Variants in ZNF804A observed in about 807,000 individuals in gnomAD.
ZNF804A encodes zinc finger protein 804A.
ZNF804A carries 2 observed loss-of-function variants against 16.5 expected under a neutral mutation model. That is an observed-to-expected ratio of 0.12 (90% CI 0.05 to 0.38). The LOEUF is 0.38. Among genes scored for constraint, ZNF804A ranks in the 10% least tolerant of loss-of-function variants. ZNF804A has a pLI of 0.99. For missense variants in ZNF804A, 1,473 were observed against 1,390.7 expected (o/e 1.06, Z -0.94); for synonymous variants, 534 against 489.6 (o/e 1.09, Z -1.20).
intron 2 of ZNF804A, among the ~76,000 whole-genome samples, chr2:184,906,367 C>T (rs759227380): frequency 8.5e-5 from 13 of 152,108 alleles, no homozygotes; most frequent in Non-Finnish European, 1.5e-4. Flanking sequence ...GATGCAATCA[C>T]GGCTCACAGT....
At chr2:184,844,244 A>G (rs762172611) in intron 1 of ZNF804A, among the ~76,000 whole-genome samples, 11 of 151,590 alleles carry the variant, frequency 7.3e-5, no homozygotes, top group Non-Finnish European at 1.3e-4. Flanking sequence ...CAGCCACTTC[A>G]TTTTCAGTAT....
intron 1 of ZNF804A, among the ~76,000 whole-genome samples, chr2:184,724,461 A>C (rs909517168): frequency 1.6e-5 from 2 of 127,110 alleles, no homozygotes; most frequent in Non-Finnish European, 3.1e-5. Flanking sequence ...GAAGACAGGC[A>C]AAGAATCAGA....
chr2:184,851,815 G>A (rs966628416), intron 1 of ZNF804A, among the ~76,000 whole-genome samples: 3 of 151,654 alleles, frequency 2.0e-5, no homozygotes, highest in African/African-American at 7.3e-5. Context: ...AGAACACAAG[G>A]GCTCCATTTC....
At chr2:184,747,321 C>CAAAAAA (rs397986917) in intron 1 of ZNF804A, among the ~76,000 whole-genome samples, 65 of 77,902 alleles carry the variant, frequency 8.3e-4, no homozygotes, top group East Asian at 1.9e-3. Context: ...AATCTTGCTG[C>CAAAAAA]AAAAAAAAAA....
intron 1 of ZNF804A, among the ~76,000 whole-genome samples, chr2:184,801,291 C>T (rs760575059): frequency 6.6e-6 from 1 of 151,928 alleles, no homozygotes; most frequent in Non-Finnish European, 1.5e-5. Flanking sequence ...GCTATTTATC[C>T]TGCTTGGTGT....
chr2:184,621,786 A>G (rs969321377), intron 1 of ZNF804A, among the ~76,000 whole-genome samples: 17 of 151,772 alleles, frequency 1.1e-4, no homozygotes, highest in Non-Finnish European at 4.4e-5. Context: ...ACATTTTATA[A>G]TGTATAGAAA....
intron 1 of ZNF804A, among the ~76,000 whole-genome samples, chr2:184,665,886 T>C (rs1477058505): frequency 6.6e-6 from 1 of 152,208 alleles, no homozygotes; most frequent in African/African-American, 2.4e-5. Flanking sequence ...ACGCCTCCTC[T>C]ATCACATCCC....
intron 1 of ZNF804A, among the ~76,000 whole-genome samples, chr2:184,628,112 G>T (rs359889): frequency 6.6e-6 from 1 of 152,156 alleles, no homozygotes; most frequent in East Asian, 1.9e-4. Context: ...GTCTGGAGTT[G>T]GAGACCAGCC....
chr2:184,929,757 A>AC (rs1270634423), intron 2 of ZNF804A, among the ~76,000 whole-genome samples: 1 of 152,174 alleles, frequency 6.6e-6, no homozygotes, highest in Non-Finnish European at 1.5e-5. Flanking sequence ...TAGAAAACTT[A>AC]GATTCTTGTG....
In ZNF804A at chr2:184,936,382, T is replaced by C. The variant is rs146806844; in HGVS notation, c.986T>C (p.Val329Ala). The C allele has an allele frequency of 3.7e-6, 6 of 1,613,888 alleles. No homozygotes were observed. The African/African-American group carries it at 6.7e-5, about 18-fold the overall frequency. Residue 329 changes from valine (V) to alanine (A), a missense_variant, in exon 4 of 4, where the codon GTC becomes GCC. Transcript: ENST00000302277. ...SSDADNCQNS[V>A]PLADQIPLES... ...GATGCAGATAATTGTCAAAATTCAG[T>C]CCCATTAGCAGATCAAATACCACTA...
At chr2:184,921,922 A>C (rs1414442717) in intron 2 of ZNF804A, among the ~76,000 whole-genome samples, 1 of 152,122 alleles carries the variant, frequency 6.6e-6, no homozygotes, top group Admixed American at 6.6e-5. Flanking sequence ...CTCCAGTTCC[A>C]TCCATGTGGT....
chr2:184,778,464 C>T (rs898408080), intron 1 of ZNF804A, among the ~76,000 whole-genome samples: 2 of 151,346 alleles, frequency 1.3e-5, no homozygotes, highest in Non-Finnish European at 3.0e-5. Context: ...GAAAATAAAA[C>T]CGGACAAGAG....
chr2:184,852,181 T>C (rs1445910293), intron 1 of ZNF804A, among the ~76,000 whole-genome samples: 6 of 151,650 alleles, frequency 4.0e-5, no homozygotes, highest in Non-Finnish European at 8.9e-5. Context: ...AAATCACAAA[T>C]AGTACTGATA....
intron 1 of ZNF804A, among the ~76,000 whole-genome samples, chr2:184,823,750 T>C (rs555970785): frequency 3.3e-5 from 5 of 152,224 alleles, no homozygotes; most frequent in African/African-American, 1.2e-4. Flanking sequence ...ATTGGTGATA[T>C]ACTTGAAAAA....
At chr2:184,757,614 A>G (rs1180466466) in intron 1 of ZNF804A, among the ~76,000 whole-genome samples, 1 of 152,010 alleles carries the variant, frequency 6.6e-6, no homozygotes, top group Non-Finnish European at 1.5e-5. Context: ...ACACAATGCA[A>G]TCAAATGATT....
At chr2:184,679,474 G>T (rs909695344) in intron 1 of ZNF804A, among the ~76,000 whole-genome samples, 4 of 152,086 alleles carry the variant, frequency 2.6e-5, no homozygotes, top group African/African-American at 9.7e-5. Context: ...ACCCTCCCCG[G>T]TGCAGCTACT....
At chr2:184,857,333 G>T (rs1695704140) in intron 1 of ZNF804A, among the ~76,000 whole-genome samples, 1 of 151,988 alleles carries the variant, frequency 6.6e-6, no homozygotes, top group African/African-American at 2.4e-5. Flanking sequence ...ATTGTGATCA[G>T]AAATAAAGAT....
At chr2:184,815,419 G>T (rs1007001029) in intron 1 of ZNF804A, among the ~76,000 whole-genome samples, 1 of 151,696 alleles carries the variant, frequency 6.6e-6, no homozygotes, top group Non-Finnish European at 1.5e-5. Flanking sequence ...AGGGTATTGT[G>T]CTATGTTCAT....
chr2:184,641,245 C>T (rs530500911), intron 1 of ZNF804A, among the ~76,000 whole-genome samples: 2 of 152,106 alleles, frequency 1.3e-5, no homozygotes, highest in South Asian at 2.1e-4. Flanking sequence ...GCCATCATAC[C>T]CAGCCAAAAC....
Sources: gnomAD v4.1 joint callset for allele counts (sites outside exome capture counted in the v4.1 genomes callset) on GRCh38, gnomAD v4.1.1 for gene constraint, MANE v1.5 for transcripts, NCBI Gene and HGNC (gene_info 2026-07-23, HGNC 2026-07-21) for gene names.